F5: variants seen among roughly 807,000 people sequenced by gnomAD.
The protein encoded by F5 is coagulation factor V.
F5 carries 138 observed loss-of-function variants against 216.4 expected under a neutral mutation model. That is an observed-to-expected ratio of 0.64 (90% CI 0.56 to 0.73). The LOEUF is 0.73. F5 is among the 30% of genes least tolerant of loss of function. F5 has a pLI of 0.00. For synonymous variants in F5, 916 were observed against 930.7 expected (o/e 0.98, Z 0.29); for missense variants, 2,403 against 2,674.0 (o/e 0.90, Z 2.24).
At chr1:169,573,652 G>A (rs1660779333) in intron 2 of F5, among the ~76,000 whole-genome samples, 2 of 152,194 alleles carry the variant, frequency 1.3e-5, no homozygotes, top group Admixed American at 1.3e-4. Context: ...TATGGGTGCA[G>A]AAATCAAGAA....
In F5 at chr1:169,541,821, T is replaced by C. The variant is rs1659859528; in HGVS notation, c.3269A>G (p.Asp1090Gly). 1.9e-6 allele frequency: 3 copies of C among 1,614,062 alleles called. No individual in the cohort carries two copies. The highest frequency in any genetic ancestry group is 1.7e-6 in the Non-Finnish European group (2 of 1,179,986). ...TDLNQTLPSM[D>G]FGWIASLPDH... ...AGGAAGTGAGGCTATCCAGCCAAAATCCATAGAGGGCAATGTCTGATTGAG... is the reference window on the plus strand; with the variant it reads ...AGGAAGTGAGGCTATCCAGCCAAAACCCATAGAGGGCAATGTCTGATTGAG... The change falls in exon 13 of 25, where the codon GAT (aspartate) becomes GGT (glycine). Residue 1090 changes from aspartate (D) to glycine (G), a missense_variant. Physicochemically the swap from Asp to Gly is moderately conservative, Grantham distance 94. Around this residue, in one of 4 missense-constraint regions of F5, gnomAD observed 1,425 missense variants for 1,554.8 expected, o/e 0.92. Coordinates refer to ENST00000367797, the MANE Select transcript of F5 (RefSeq NM_000130.5).
chr1:169,579,455 G>A (rs1660940345), intron 2 of F5, among the ~76,000 whole-genome samples: 1 of 152,074 alleles, frequency 6.6e-6, no homozygotes. Flanking sequence ...TCTCCCAAAT[G>A]TTGACAGCTA....
At position 169,515,520 on chromosome 1, in the gene F5, T is replaced by C. The variant is rs201920792; in HGVS notation, c.6452A>G (p.Lys2151Arg). 15 of 1,613,690 alleles carry C rather than the reference T, an allele frequency of 9.3e-6. No homozygotes were observed. The East Asian group carries it at 3.3e-4, about 36-fold the overall frequency. ...CTCACTGTAGTGGATGGTATAGCTC[T>C]TTACATACATTTCAGAGGACAGAGA... Reference protein sequence around the residue: ...CKSLSSEMYVKSYTIHYSEQG... With the variant: ...CKSLSSEMYVRSYTIHYSEQG... Residue 2151 changes from lysine to arginine, a missense_variant, in exon 24 of 25, where the codon AAG (lysine) becomes AGG (arginine). By Grantham distance (26) the Lys-to-Arg change is conservative. Transcript: ENST00000367797.
In F5 at chr1:169,544,182, G is replaced by A. The variant is rs1033600394; in HGVS notation, c.1975+114C>T. 3.7e-6 allele frequency: 3 copies of A among 813,358 alleles called. 1 individual carries two copies. The South Asian group carries it at 4.3e-5, about 12-fold the overall frequency. 50.4% of individuals were successfully genotyped at this position (813,358 alleles called of 1,614,324 possible). A position where few individuals can be genotyped will look rare whatever the true frequency, so the allele number is the denominator to read the frequency against. On this transcript the variant is annotated intron_variant, in intron 12 of 24. Coordinates refer to ENST00000367797, the MANE Select transcript of F5 (RefSeq NM_000130.5). ...AGAAACATTGAAAGAAAAGCCTGCA[G>A]GGGGTCAGGGAGATACATAGAGGAG...
Position 169,546,471 on chromosome 1 carries a change from G to C in F5, c.1733C>G (p.Pro578Arg), listed in dbSNP as rs1349312167. Residue 578 changes from proline (P) to arginine (R), a missense_variant, in exon 11 of 25, where the codon CCC becomes CGC. Physicochemically the swap from Pro to Arg is moderately radical, Grantham distance 103. Coordinates refer to ENST00000367797, the MANE Select transcript of F5 (RefSeq NM_000130.5). ...ENPDEVKRDD[P>R]KFYESNIMST... ...CATGATGTTTGATTCATAAAACTTG[G>C]GGTCATCACGTTTCACCTCATCAGG... 4.3e-6 allele frequency: 7 copies of C among 1,613,956 alleles called. No homozygotes were observed. The highest frequency in any genetic ancestry group is 5.9e-6 in the Non-Finnish European group (7 of 1,180,002).
chr1:169,562,611 G>A (rs1159432856), intron 3 of F5, among the ~76,000 whole-genome samples: 1 of 151,474 alleles, frequency 6.6e-6, no homozygotes, highest in Non-Finnish European at 1.5e-5. Flanking sequence ...CTCCATTGTT[G>A]CCTTCTTAGC....
In F5 at chr1:169,565,967, A is replaced by G. The variant is rs557878542; in HGVS notation, c.374-5201T>C. 3.5e-4 allele frequency among the ~76,000 whole-genome samples: 54 copies of G among 152,242 alleles called. 1 individual carries two copies. The highest frequency in any genetic ancestry group is 5.7e-4 in the Non-Finnish European group (39 of 68,000). On this transcript the variant is annotated intron_variant, in intron 3 of 24. Transcript: ENST00000367797. Reference sequence around the variant, plus strand: ...GTCACTTCCTGTAAGTTATAACATAATTCTAGTCTATAAAAGAAAAAAAGT... The same window carrying G: ...GTCACTTCCTGTAAGTTATAACATAGTTCTAGTCTATAAAAGAAAAAAAGT...
intron 8 of F5, 33 bp from the exon 9 acceptor site, chr1:169,550,772 T>A: frequency 6.7e-7 from 1 of 1,491,408 alleles, no homozygotes; most frequent in Non-Finnish European, 9.4e-7. Context: ...TTCTAGGATT[T>A]AAGGTTGATC....
intron 14 of F5, among the ~76,000 whole-genome samples, chr1:169,533,520 A>T (rs1422340071): frequency 6.6e-6 from 1 of 152,228 alleles, no homozygotes; most frequent in Non-Finnish European, 1.5e-5. Context: ...AATATCCAGA[A>T]ACTATAAGAT....
In F5 at chr1:169,560,618, G is replaced by C. The variant is rs777533725; in HGVS notation, c.522C>G (p.Ser174=). 6.2e-7 allele frequency: 1 copy of C among 1,613,734 alleles called. No homozygotes were observed. The highest frequency in any genetic ancestry group is 8.5e-7 in the Non-Finnish European group (1 of 1,179,794). The change falls in exon 4 of 25, where the codon TCC becomes TCG. Residue 174 remains serine, a synonymous_variant. Coordinates refer to ENST00000367797, the MANE Select transcript of F5 (RefSeq NM_000130.5). ...DPPCLTHIYY[S]HENLIEDFNS... ...TGAAATCCTCGATCAGATTTTCATG[G>C]GAGTAATAGATGTGTGTGAGGCATG... is the stretch of plus-strand genomic sequence containing the variant.
intron 7 of F5, among the ~76,000 whole-genome samples, chr1:169,553,701 G>A (rs555187093): frequency 7.9e-5 from 12 of 152,208 alleles, no homozygotes; most frequent in Non-Finnish European, 1.6e-4. Flanking sequence ...CAGCCTGGGC[G>A]ACAGAGCGAG....
At chr1:169,557,981 AC>A (rs35683815) in intron 5 of F5, among the ~76,000 whole-genome samples, 1 of 151,944 alleles carries the variant, frequency 6.6e-6, no homozygotes, top group Admixed American at 6.6e-5. Flanking sequence ...TGTCCCATTT[AC>A]CCCCAATTAT....
At chr1:169,524,246 T>C (rs1157871925) in intron 19 of F5, among the ~76,000 whole-genome samples, 2 of 152,232 alleles carry the variant, frequency 1.3e-5, no homozygotes, top group East Asian at 3.8e-4. Flanking sequence ...CATGACCTCT[T>C]GATCTTGGGA....
chr1:169,541,762 G>T lies in F5; in HGVS notation c.3328C>A (p.Gln1110Lys). 1 of 1,614,002 alleles carries T rather than the reference G, an allele frequency of 6.2e-7. No individual in the cohort carries two copies. The highest frequency in any genetic ancestry group is 1.1e-5 in the South Asian group (1 of 91,050). The change falls in exon 13 of 25, where the codon CAG becomes AAG. Residue 1110 changes from glutamine (Q) to lysine (K), a missense_variant. Gln to Lys is a moderately conservative substitution (Grantham distance 53). This residue lies in a region of F5 where 1,425 missense variants were observed against 1,554.8 expected (regional missense o/e 0.92). Coordinates refer to ENST00000367797, the MANE Select transcript of F5 (RefSeq NM_000130.5). ...HNQNSSNDTG[Q>K]ASCPPGLYQT... ...TAAAGACCTGGAGGACAGCTTGCCT[G>T]ACCAGTGTCATTTGAGGAATTCTGA... is the stretch of plus-strand genomic sequence containing the variant.
At chr1:169,543,866 A>G (rs1328021016) in intron 12 of F5, among the ~76,000 whole-genome samples, 1 of 152,224 alleles carries the variant, frequency 6.6e-6, no homozygotes, top group Non-Finnish European at 1.5e-5. Flanking sequence ...ATCGATTGGC[A>G]GATCAGGACT....
chr1:169,529,895 A>G, intron 15 of F5, 77 bp from the exon 16 acceptor site: 2 of 1,218,366 alleles, frequency 1.6e-6, no homozygotes, highest in South Asian at 2.5e-5. Flanking sequence ...CATCATATAG[A>G]AAAGGAAACT....
intron 3 of F5, among the ~76,000 whole-genome samples, chr1:169,561,293 C>CA (rs77192101): frequency 0.32 from 49,008 of 151,646 alleles, 10,519 homozygotes; most frequent in East Asian, 0.65. Flanking sequence ...TTTTTTCCCC[C>CA]GAGCCACAGC....
Position 169,550,709 on chromosome 1 carries a change from A to G in F5, c.1327T>C (p.Tyr443His), listed in dbSNP as rs1387135869. The change falls in exon 9 of 25, where the codon TAT (tyrosine) becomes CAT (histidine). Residue 443 changes from tyrosine (Y) to histidine (H), a missense_variant. Tyr to His is a moderately conservative substitution (Grantham distance 83). Coordinates refer to ENST00000367797, the MANE Select transcript of F5 (RefSeq NM_000130.5). ...GTCACTCCATGAGGGTAAATGCTAT[A>G]GGGGCGGCTGGCCATATTTTTGAAC... ...IVFKNMASRP[Y>H]SIYPHGVTFS... 1 of 1,613,928 alleles carries G rather than the reference A, an allele frequency of 6.2e-7. No individual in the cohort carries two copies. The highest frequency in any genetic ancestry group is 1.3e-5 in the African/African-American group (1 of 74,932).
rs375660526 is a variant in F5, at chr1:169,560,630, G to A, written c.510C>T (p.His170=). Residue 170 remains histidine (H), a synonymous_variant, in exon 4 of 25, where the codon CAC becomes CAT. Coordinates refer to ENST00000367797, the MANE Select transcript of F5 (RefSeq NM_000130.5). ...TCAGATTTTCATGGGAGTAATAGAT[G>A]TGTGTGAGGCATGGAGGGTCATCAT... ...PTHDDPPCLT[H]IYYSHENLIE... is the part of the protein sequence containing the mutation. 4.6e-5 allele frequency: 74 copies of A among 1,613,802 alleles called. No individual in the cohort carries two copies. In the African/African-American group the frequency reaches 7.3e-4, roughly 16 times the overall value.
Sources: gnomAD v4.1 joint callset for allele counts (sites outside exome capture counted in the v4.1 genomes callset) on GRCh38, gnomAD v4.1.1 for gene constraint, gnomAD v4.1.1 regional missense constraint, MANE v1.5 for transcripts, NCBI Gene and HGNC (gene_info 2026-07-23, HGNC 2026-07-21) for gene names.